The following RANBP17 variants were observed in gnomAD, a reference collection of about 807,000 sequenced individuals.
RANBP17 encodes RAN binding protein 17.
A neutral mutation model predicts 141.2 loss-of-function variants in RANBP17; 158 were observed. That is an observed-to-expected ratio of 1.12 (90% CI 0.98 to 1.28). The LOEUF (loss-of-function observed/expected upper bound fraction) is 1.28, where lower values mean the gene tolerates loss of function less well. Among genes scored for constraint, RANBP17 ranks in the 50% most tolerant of loss-of-function variants. The pLI is 0.00. For missense variants in RANBP17, 1,438 were observed against 1,290.7 expected (o/e 1.11, Z -1.75); for synonymous variants, 430 against 450.0 (o/e 0.96, Z 0.56).
chr5:171,103,007 C>A (rs771024293), intron 14 of RANBP17, among the ~76,000 whole-genome samples: 1 of 152,140 alleles, frequency 6.6e-6, no homozygotes. Flanking sequence ...AGATGCGAGC[C>A]GGAGCTCTCC....
intron 24 of RANBP17, among the ~76,000 whole-genome samples, chr5:171,243,375 C>T (rs113933158): frequency 0.019 from 2,822 of 152,180 alleles, 86 homozygotes; most frequent in African/African-American, 0.057. Context: ...CTTTCTATTG[C>T]TGAGTATTAT....
intron 14 of RANBP17, among the ~76,000 whole-genome samples, chr5:171,060,567 G>C (rs1245939243): frequency 1.3e-5 from 2 of 152,178 alleles, no homozygotes; most frequent in South Asian, 2.1e-4. Flanking sequence ...CGGTTTGTCA[G>C]TATTTTATTG....
At chr5:171,236,281 T>C (rs113627578) in intron 22 of RANBP17, among the ~76,000 whole-genome samples, 244 of 152,340 alleles carry the variant, frequency 1.6e-3, no homozygotes, top group Non-Finnish European at 2.2e-3. Context: ...AAAGAAAAGG[T>C]AAATCAATGT....
At chr5:170,992,056 G>T (rs913085838) in intron 14 of RANBP17, among the ~76,000 whole-genome samples, 1 of 151,958 alleles carries the variant, frequency 6.6e-6, no homozygotes, top group South Asian at 2.1e-4. Context: ...AAACCAGACA[G>T]TTTGATTCTA....
rs144687985 is a variant in RANBP17 at position 171,042,120 on chromosome 5, C to G, written c.1710+73743C>G. ...AGTATTCTATGATATATATGTACCACATTTTCTTTATCCAGTCTATCATTG... is the reference window on the plus strand; with the variant it reads ...AGTATTCTATGATATATATGTACCAGATTTTCTTTATCCAGTCTATCATTG... On this transcript the variant is annotated intron_variant, in intron 14 of 27. Coordinates refer to ENST00000523189, the MANE Select transcript of RANBP17 (RefSeq NM_022897.5). Among the ~76,000 whole-genome samples the G allele has an allele frequency of 4.4e-4, 67 of 152,190 alleles. 1 individual carries two copies. The East Asian group carries it at 0.012, about 27-fold the overall frequency.
chr5:171,280,298 A>G (rs1414739112), intron 25 of RANBP17, among the ~76,000 whole-genome samples: 2 of 151,936 alleles, frequency 1.3e-5, no homozygotes, highest in African/African-American at 4.8e-5. Context: ...TTTGTTTTTA[A>G]ATAGGATATC....
At chr5:171,193,023 C>T (rs1184009824) in intron 18 of RANBP17, among the ~76,000 whole-genome samples, 2 of 152,328 alleles carry the variant, frequency 1.3e-5, no homozygotes, top group East Asian at 1.9e-4. Flanking sequence ...TGGGAAATAG[C>T]AGATGATCTG....
chr5:171,196,650 G>A (rs960739757), intron 18 of RANBP17, among the ~76,000 whole-genome samples: 5 of 152,050 alleles, frequency 3.3e-5, no homozygotes, highest in Admixed American at 1.3e-4. Context: ...GGGGCGAGGG[G>A]GTGGTTACAG....
Position 171,060,869 on chromosome 5 carries a change from G to A in RANBP17, c.1710+92492G>A, listed in dbSNP as rs1285083123. Among the ~76,000 whole-genome samples the A allele has an allele frequency of 2.5e-3, 373 of 152,198 alleles. 3 individuals carry two copies. The highest frequency in any genetic ancestry group is 8.3e-3 in the African/African-American group (344 of 41,514). On this transcript the variant is annotated intron_variant, in intron 14 of 27. Coordinates refer to ENST00000523189, the MANE Select transcript of RANBP17 (RefSeq NM_022897.5). Reference sequence around the variant, plus strand: ...TGTTATTAGTCTATTCAGAGATTCAGCTTCTTCCTGGTTTAGTCTTGGGAG... The same window carrying A: ...TGTTATTAGTCTATTCAGAGATTCAACTTCTTCCTGGTTTAGTCTTGGGAG...
At chr5:171,088,850 A>G (rs1340714975) in intron 14 of RANBP17, among the ~76,000 whole-genome samples, 3 of 151,960 alleles carry the variant, frequency 2.0e-5, no homozygotes, top group Admixed American at 6.6e-5. Context: ...TGGTTATTCT[A>G]GTTATACATT....
intron 20 of RANBP17, among the ~76,000 whole-genome samples, chr5:171,211,824 A>G (rs537347588): frequency 2.0e-5 from 3 of 152,286 alleles, no homozygotes; most frequent in African/African-American, 7.2e-5. Flanking sequence ...TCTTAAAGTT[A>G]TAGATGCCTT....
chr5:171,061,688 G>A (rs907075406), intron 14 of RANBP17, among the ~76,000 whole-genome samples: 1 of 152,152 alleles, frequency 6.6e-6, no homozygotes, highest in Non-Finnish European at 1.5e-5. Context: ...TCCGCTTGGT[G>A]CAGAGCTCAG....
At chr5:171,093,003 G>A (rs1226517468) in intron 14 of RANBP17, among the ~76,000 whole-genome samples, 1 of 152,156 alleles carries the variant, frequency 6.6e-6, no homozygotes, top group Non-Finnish European at 1.5e-5. Context: ...GTATTGTAAA[G>A]TCAAATTCCT....
intron 19 of RANBP17, among the ~76,000 whole-genome samples, chr5:171,201,232 A>C (rs1374144502): frequency 6.6e-6 from 1 of 152,190 alleles, no homozygotes; most frequent in Non-Finnish European, 1.5e-5. Context: ...CTGGAAAGTG[A>C]CTGCTTGATT....
At chr5:171,154,132 G>T (rs533616951) in intron 14 of RANBP17, among the ~76,000 whole-genome samples, 1 of 149,736 alleles carries the variant, frequency 6.7e-6, no homozygotes, top group Admixed American at 6.6e-5. Context: ...CCAAATTAAG[G>T]GGGTTGAGGA....
At chr5:171,135,858 A>G (rs1006776539) in intron 14 of RANBP17, among the ~76,000 whole-genome samples, 2 of 152,206 alleles carry the variant, frequency 1.3e-5, no homozygotes, top group African/African-American at 2.4e-5. Flanking sequence ...GGTAAATGAA[A>G]CACAAGGAAC....
intron 18 of RANBP17, 79 bp from the exon 19 acceptor site, chr5:171,199,591 A>G: frequency 1.2e-6 from 1 of 809,400 alleles, no homozygotes; most frequent in Non-Finnish European, 2.0e-6. Context: ...TTCTAAGCCT[A>G]AATGAAGCAC....
chr5:171,218,371 T>C (rs1434471021), intron 21 of RANBP17, among the ~76,000 whole-genome samples: 2 of 152,158 alleles, frequency 1.3e-5, no homozygotes, highest in Admixed American at 1.3e-4. Context: ...ATTCTGTCGA[T>C]TTGGGGTGGA....
chr5:171,083,225 G>A (rs893805600), intron 14 of RANBP17, among the ~76,000 whole-genome samples: 1 of 152,106 alleles, frequency 6.6e-6, no homozygotes. Flanking sequence ...CAATATGATG[G>A]TATTTGGAGG....
Sources: gnomAD v4.1 joint callset for allele counts (sites outside exome capture counted in the v4.1 genomes callset) on GRCh38, gnomAD v4.1.1 for gene constraint, MANE v1.5 for transcripts, NCBI Gene and HGNC (gene_info 2026-07-23, HGNC 2026-07-21) for gene names.